The following FUT8 variants were observed in gnomAD, a reference collection of about 807,000 sequenced individuals.
FUT8 encodes the protein fucosyltransferase 8.
FUT8 carries 29 observed loss-of-function variants against 71.3 expected under a neutral mutation model. The ratio of observed to expected loss-of-function variants is 0.41; its 90% confidence interval spans 0.30 to 0.55. The LOEUF (loss-of-function observed/expected upper bound fraction) is 0.55, where lower values mean the gene tolerates loss of function less well. FUT8 is among the 20% of genes least tolerant of loss of function. The pLI is 0.34. For missense variants in FUT8, 544 were observed against 702.1 expected (o/e 0.77, Z 2.55); for synonymous variants, 254 against 239.3 (o/e 1.06, Z -0.57).
chr14:65,643,665 T>TACACACACACACAC lies in FUT8; in HGVS notation c.597+14096_597+14109dup, dbSNP rs60967671. Among the ~76,000 whole-genome samples the TACACACACACACAC allele has an allele frequency of 8.5e-3, 1,059 of 124,708 alleles. 29 individuals are homozygous for TACACACACACACAC. The highest frequency in any genetic ancestry group is 0.015 in the East Asian group (58 of 3,824). 81.8% of individuals were successfully genotyped at this position (124,708 alleles called of 152,430 possible). A position where few individuals can be genotyped will look rare whatever the true frequency, so the allele number is the denominator to read the frequency against. On this transcript the variant is annotated intron_variant, in intron 6 of 10. Coordinates refer to ENST00000673929, the MANE Select transcript of FUT8 (RefSeq NM_001371533.1). This position sits in a 1 kb window ranked among gnomAD's most constrained non-coding sequence, Gnocchi z 4.5. The stretch of plus-strand genomic sequence containing the variant: ...CGAGACTCCGTCTTTAAAAAAAAAA[T>TACACACACACACAC]ACACACACACACACACACACACACA...
chr14:65,481,161 A>G (rs1278832303), intron 2 of FUT8, among the ~76,000 whole-genome samples: 1 of 151,948 alleles, frequency 6.6e-6, no homozygotes, highest in Non-Finnish European at 1.5e-5. Flanking sequence ...ATGGGTGTGA[A>G]GTGGTATCTC....
At chr14:65,372,116 G>T in the FUT8 span, among the ~76,000 whole-genome samples, 2 of 151,844 alleles carry the variant, frequency 1.3e-5, no homozygotes, top group Admixed American at 6.6e-5. Flanking sequence ...TTACATATTT[G>T]ATCAATCCCC....
intron 2 of FUT8, among the ~76,000 whole-genome samples, chr14:65,499,401 G>C (rs932947203): frequency 5.3e-5 from 8 of 151,942 alleles, no homozygotes; most frequent in African/African-American, 1.5e-4. Flanking sequence ...TCAAGTCTCA[G>C]GTTTACCACT....
intron 3 of FUT8, among the ~76,000 whole-genome samples, chr14:65,614,075 CTG>C (rs1432293011): frequency 6.8e-5 from 10 of 148,014 alleles, no homozygotes; most frequent in Admixed American, 1.4e-4. Flanking sequence ...GATCCCATCA[CTG>C]TACTCCAGCC....
intron 7 of FUT8, among the ~76,000 whole-genome samples, chr14:65,693,099 C>G (rs1428330424): frequency 6.6e-6 from 1 of 152,180 alleles, no homozygotes; most frequent in East Asian, 1.9e-4. Context: ...ACTTCCCAGA[C>G]GGGGTGGCGG....
At chr14:65,482,903 G>C (rs548014632) in intron 2 of FUT8, among the ~76,000 whole-genome samples, 100 of 152,246 alleles carry the variant, frequency 6.6e-4, no homozygotes, top group Admixed American at 1.3e-3. Context: ...AACACACTCA[G>C]CTTCTCCAGT....
intron 6 of FUT8, among the ~76,000 whole-genome samples, chr14:65,648,416 A>G (rs1891213832): frequency 6.6e-6 from 1 of 151,874 alleles, no homozygotes; most frequent in Non-Finnish European, 1.5e-5. Context: ...TGAGGTTCCC[A>G]CCTCCAAACA....
At chr14:65,552,845 GA>G (rs1342860809) in intron 2 of FUT8, among the ~76,000 whole-genome samples, 2 of 152,098 alleles carry the variant, frequency 1.3e-5, no homozygotes, top group Non-Finnish European at 2.9e-5. Context: ...TGCTCTGGGG[GA>G]ATGCCATCTG....
At chr14:65,539,302 C>T (rs1449730695) in intron 2 of FUT8, among the ~76,000 whole-genome samples, 4 of 152,070 alleles carry the variant, frequency 2.6e-5, no homozygotes, top group Non-Finnish European at 4.4e-5. Flanking sequence ...TAACTCTGCC[C>T]GTGAAGAGTA....
intron 3 of FUT8, among the ~76,000 whole-genome samples, chr14:65,567,814 T>G (rs185356631): frequency 6.6e-6 from 1 of 152,020 alleles, no homozygotes; most frequent in Non-Finnish European, 1.5e-5. Context: ...TTTTAACATT[T>G]TACTGGATTA....
chr14:65,742,265 T>C lies in FUT8; in HGVS notation c.1583T>C (p.Ile528Thr), dbSNP rs1202224355. 5 of 1,612,898 alleles carry C rather than the reference T, an allele frequency of 3.1e-6. No homozygotes were observed. In the Admixed American group the frequency reaches 6.7e-5, roughly 22 times the overall value. ...GAAATTCCCATGGAACCTGGAGATA[T>C]CATTGGTGTGGCTGGAAATCATTGG... Reference protein sequence around the residue: ...ADEIPMEPGDIIGVAGNHWDG... With the variant: ...ADEIPMEPGDTIGVAGNHWDG... The change falls in exon 11 of 11, where the codon ATC becomes ACC. Residue 528 changes from isoleucine to threonine, a missense_variant. Physicochemically the swap from Ile to Thr is moderately conservative, Grantham distance 89 (BLOSUM62 -1). Transcript: ENST00000673929.
In FUT8 at chr14:65,561,353, A is replaced by G; in HGVS notation, c.-211A>G. On this transcript the variant is annotated 5_prime_UTR_variant, in exon 3 of 11. Coordinates refer to ENST00000673929, the MANE Select transcript of FUT8 (RefSeq NM_001371533.1). ...TTTCCACAGCATGTAGAGCGCATGA[A>G]GTACAGGACAATAAAGCTTCCTACA... is the stretch of plus-strand genomic sequence containing the variant. 1 of 555,152 alleles carries G rather than the reference A, an allele frequency of 1.8e-6. No individual in the cohort carries two copies. The allele number at this position is 555,152 out of a possible 1,614,324, so 34.4% of individuals were successfully genotyped here. A position where few individuals can be genotyped will look rare whatever the true frequency, so the allele number is the denominator to read the frequency against.
intron 1 of FUT8, among the ~76,000 whole-genome samples, chr14:65,448,696 A>G (rs1345275100): frequency 6.6e-6 from 1 of 152,140 alleles, no homozygotes. Flanking sequence ...AAACAGTTAC[A>G]ATGTATAGGA....
At chr14:65,650,192 G>C (rs572543905) in intron 6 of FUT8, among the ~76,000 whole-genome samples, 1 of 151,414 alleles carries the variant, frequency 6.6e-6, no homozygotes, top group Non-Finnish European at 1.5e-5. Context: ...CCAGCTACTC[G>C]GGAGGCTGAG....
chr14:65,559,436 G>A (rs1296273271), intron 2 of FUT8, among the ~76,000 whole-genome samples: 1 of 152,148 alleles, frequency 6.6e-6, no homozygotes, highest in East Asian at 1.9e-4. Flanking sequence ...GAGGATGTGT[G>A]TAGGTTATAT....
intron 2 of FUT8, among the ~76,000 whole-genome samples, chr14:65,456,746 G>A (rs1030081441): frequency 6.6e-6 from 1 of 151,600 alleles, no homozygotes; most frequent in Non-Finnish European, 1.5e-5. Context: ...GGTGGTTCAC[G>A]TCTGTAGTCC....
At position 65,570,550 on chromosome 14, in the gene FUT8, A is replaced by G. The variant is rs531703046; in HGVS notation, c.203+8784A>G. 4.9e-4 allele frequency among the ~76,000 whole-genome samples: 74 copies of G among 152,136 alleles called. No individual in the cohort carries two copies. In the South Asian group the frequency reaches 0.015, roughly 31 times the overall value. On this transcript the variant is annotated intron_variant, in intron 3 of 10. Coordinates refer to ENST00000673929, the MANE Select transcript of FUT8 (RefSeq NM_001371533.1). ...TCTACCTGTATTAAAAGTGGAGTTC[A>G]TTTATCCCAGTGTTGCTGACATACA...
intron 2 of FUT8, among the ~76,000 whole-genome samples, chr14:65,516,089 A>G (rs1309686106): frequency 6.6e-6 from 1 of 152,086 alleles, no homozygotes; most frequent in Non-Finnish European, 1.5e-5. Flanking sequence ...CCTTGAGCCT[A>G]GGAATTTGAG....
chr14:65,738,869 T>C (rs934535487), intron 10 of FUT8, among the ~76,000 whole-genome samples: 1 of 152,100 alleles, frequency 6.6e-6, no homozygotes, highest in African/African-American at 2.4e-5. Flanking sequence ...GACTTGTGTC[T>C]CCATTACTGG....
Sources: gnomAD v4.1 joint callset for allele counts (sites outside exome capture counted in the v4.1 genomes callset) on GRCh38, gnomAD v4.1.1 for gene constraint, Gnocchi (gnomAD v3.1) non-coding constraint, MANE v1.5 for transcripts, NCBI Gene and HGNC (gene_info 2026-07-23, HGNC 2026-07-21) for gene names.